Variants in ISLR observed in about 807,000 individuals in gnomAD.
The protein encoded by ISLR is immunoglobulin superfamily containing leucine rich repeat, also known as immunoglobulin superfamily containing leucine-rich repeat protein.
A neutral mutation model predicts 11.0 loss-of-function variants in ISLR; 9 were observed. That is an observed-to-expected ratio of 0.82 (90% CI 0.49 to 1.43). ISLR has a LOEUF of 1.43. ISLR is among the 40% of genes most tolerant of loss of function. The pLI is 0.00. For missense variants in ISLR, 510 were observed against 576.4 expected (o/e 0.88, Z 1.18); for synonymous variants, 262 against 264.1 (o/e 0.99, Z 0.08).
Position 74,175,929 on chromosome 15 carries a change from C to G in ISLR, c.1071C>G (p.Arg357=). 6.2e-7 allele frequency: 1 copy of G among 1,611,092 alleles called. No individual in the cohort carries two copies. The highest frequency in any genetic ancestry group is 8.5e-7 in the Non-Finnish European group (1 of 1,177,898). Residue 357 remains arginine, a synonymous_variant, in exon 2 of 2, where the codon CGC becomes CGG. Transcript: ENST00000249842. This position sits in a 1 kb window ranked among gnomAD's most constrained non-coding sequence, Gnocchi z 4.7. ...PGEGGEDTLG[R]RFHGKAVEGK... is the part of the protein sequence containing the mutation. ...AGGGTGGTGAGGACACACTGGGGCG[C>G]AGGTTCCATGGCAAAGCGGTTGAGG...
In ISLR at chr15:74,175,730, C is replaced by T; in HGVS notation, c.872C>T (p.Ala291Val). 6.2e-7 allele frequency: 1 copy of T among 1,613,868 alleles called. No homozygotes were observed. The change falls in exon 2 of 2, where the codon GCC becomes GTC. Residue 291 changes from alanine (A) to valine (V), a missense_variant. Physicochemically the swap from Ala to Val is moderately conservative, Grantham distance 64 (BLOSUM62 0). Transcript: ENST00000249842. The surrounding 1 kb of genome is among the most constrained non-coding windows in gnomAD (Gnocchi z 4.7). ...CCCAACGTGGGCACTGATGGGCGTGCCCTGCCTGGCACCCCTGTGGCCAGC... is the reference window on the plus strand; with the variant it reads ...CCCAACGTGGGCACTGATGGGCGTGTCCTGCCTGGCACCCCTGTGGCCAGC... Reference protein sequence around the residue: ...TSPNVGTDGRALPGTPVASSQ... With the variant: ...TSPNVGTDGRVLPGTPVASSQ...
At position 74,175,210 on chromosome 15, in the gene ISLR, C is replaced by G; in HGVS notation, c.352C>G (p.Leu118Val). 6.2e-7 allele frequency: 1 copy of G among 1,613,526 alleles called. No individual in the cohort carries two copies. Among genetic ancestry groups the G allele is most frequent in the Non-Finnish European group, 8.5e-7 (1 of 1,180,006 alleles). ...NLISDFAWSD[L>V]HNLSALQLLK... ...CATCTCTGACTTTGCCTGGAGCGAC[C>G]TGCACAACCTCAGTGCCCTCCAATT... The change falls in exon 2 of 2, where the codon CTG becomes GTG. Residue 118 changes from leucine to valine, a missense_variant. Physicochemically the swap from Leu to Val is conservative, Grantham distance 32. Transcript: ENST00000249842. This position sits in a 1 kb window ranked among gnomAD's most constrained non-coding sequence, Gnocchi z 4.7.
rs1440875144 is a variant in ISLR at position 74,175,997 on chromosome 15, G to A, written c.1139G>A (p.Gly380Glu). 1 of 1,613,258 alleles carries A rather than the reference G, an allele frequency of 6.2e-7. No individual in the cohort carries two copies. The highest frequency in any genetic ancestry group is 1.1e-5 in the South Asian group (1 of 90,972). Residue 380 changes from glycine (G) to glutamate (E), a missense_variant, in exon 2 of 2, where the codon GGG becomes GAG. Physicochemically the swap from Gly to Glu is moderately conservative, Grantham distance 98 (BLOSUM62 -2). Transcript: ENST00000249842. This position sits in a 1 kb window ranked among gnomAD's most constrained non-coding sequence, Gnocchi z 4.7. The part of the protein sequence containing the change: ...YTVDNEVQPS[G>E]PEDNVVIIYL... ...GTTGACAACGAGGTGCAGCCATCAG[G>A]GCCGGAGGACAATGTGGTCATCATC...
chr15:74,175,882 G>A lies in ISLR; in HGVS notation c.1024G>A (p.Val342Met), dbSNP rs201525515. ...ELGSAESSVD[V>M]ALATPGEGGE... ...GGGCAGTGCTGAGAGCTCAGTGGACGTGGCACTGGCCACGCCCGGTGAGGG... is the reference window on the plus strand; with the variant it reads ...GGGCAGTGCTGAGAGCTCAGTGGACATGGCACTGGCCACGCCCGGTGAGGG... Residue 342 changes from valine (V) to methionine (M), a missense_variant, in exon 2 of 2, where the codon GTG becomes ATG. Coordinates refer to ENST00000249842, the MANE Select transcript of ISLR (RefSeq NM_005545.4). This position sits in a 1 kb window ranked among gnomAD's most constrained non-coding sequence, Gnocchi z 4.7. The A allele has an allele frequency of 5.7e-5, 92 of 1,613,972 alleles. No homozygotes were observed. In the East Asian group the frequency reaches 1.3e-3, roughly 22 times the overall value.
At position 74,176,033 on chromosome 15, in the gene ISLR, G is replaced by A. The variant is rs141231375; in HGVS notation, c.1175G>A (p.Arg392His). 7.8e-5 allele frequency: 126 copies of A among 1,612,970 alleles called. No homozygotes were observed. In the African/African-American group the frequency reaches 1.5e-3, roughly 19 times the overall value. Residue 392 changes from arginine (R) to histidine (H), a missense_variant, in exon 2 of 2, where the codon CGT becomes CAT. Coordinates refer to ENST00000249842, the MANE Select transcript of ISLR (RefSeq NM_005545.4). ...AATGTGGTCATCATCTACCTCAGCC[G>A]TGCTGGGAACCCTGAGGCTGCAGTC... ...EDNVVIIYLS[R>H]AGNPEAAVAE...
rs1211501980 is a variant in ISLR at position 74,175,511 on chromosome 15, G to A, written c.653G>A (p.Gly218Asp). The change falls in exon 2 of 2, where the codon GGT becomes GAT. Residue 218 changes from glycine to aspartate, a missense_variant. Gly to Asp is a moderately conservative substitution (Grantham distance 94, BLOSUM62 -1). Transcript: ENST00000249842. The surrounding 1 kb of genome is among the most constrained non-coding windows in gnomAD (Gnocchi z 4.7). ...IACTSPHVLK[G>D]TPLSRLPPLP... ...TGCACCTCACCCCATGTGCTCAAGGGTACGCCGCTGAGCCGCCTGCCGCCA... is the reference window on the plus strand; with the variant it reads ...TGCACCTCACCCCATGTGCTCAAGGATACGCCGCTGAGCCGCCTGCCGCCA... The A allele has an allele frequency of 6.2e-7, 1 of 1,610,064 alleles. No individual in the cohort carries two copies. The highest frequency in any genetic ancestry group is 1.7e-5 in the Admixed American group (1 of 60,000).
chr15:74,175,058 A>C lies in ISLR; in HGVS notation c.200A>C (p.Glu67Ala). The C allele has an allele frequency of 6.2e-7, 1 of 1,611,452 alleles. No homozygotes were observed. The highest frequency in any genetic ancestry group is 8.5e-7 in the Non-Finnish European group (1 of 1,179,064). Residue 67 changes from glutamate to alanine, a missense_variant, in exon 2 of 2, where the codon GAG becomes GCG. Transcript: ENST00000249842. The surrounding 1 kb of genome is among the most constrained non-coding windows in gnomAD (Gnocchi z 4.7). ...LSANRLPGLP[E>A]GAFREVPLLQ... is the part of the protein sequence containing the mutation. Reference sequence around the variant, plus strand: ...GCCAACCGGCTGCCAGGCTTGCCGGAGGGTGCCTTCAGGGAGGTGCCCCTG... The same window carrying C: ...GCCAACCGGCTGCCAGGCTTGCCGGCGGGTGCCTTCAGGGAGGTGCCCCTG...
rs1358351504 is a variant in ISLR, at chr15:74,174,991, C to T, written c.133C>T (p.Pro45Ser). The change falls in exon 2 of 2, where the codon CCG becomes TCG. Residue 45 changes from proline to serine, a missense_variant. Physicochemically the swap from Pro to Ser is moderately conservative, Grantham distance 74. Coordinates refer to ENST00000249842, the MANE Select transcript of ISLR (RefSeq NM_005545.4). ...DCAYRDLESV[P>S]PGFPANVTTL... is the part of the protein sequence containing the mutation. ...TGCCTACCGCGACCTAGAATCCGTG[C>T]CGCCTGGCTTCCCGGCCAATGTGAC... 1.2e-6 allele frequency: 2 copies of T among 1,612,690 alleles called. No homozygotes were observed. The highest frequency in any genetic ancestry group is 1.1e-5 in the South Asian group (1 of 90,862).
intron 1 of ISLR, chr15:74,174,454 G>C (rs1029029633): frequency 1.7e-5 from 3 of 181,542 alleles, no homozygotes; most frequent in Admixed American, 1.6e-4. Flanking sequence ...GGGGGGCTCC[G>C]GTGGGAGGGA....
At chr15:74,174,674 TG>T (rs1381842954) in intron 1 of ISLR, 176 bp from the exon 2 acceptor site, 1 of 524,466 alleles carries the variant, frequency 1.9e-6, no homozygotes, top group Admixed American at 3.7e-5. Flanking sequence ...GCCCTTCTCT[TG>T]GCCTCAGTTT....
intron 1 of ISLR, chr15:74,174,621 C>T (rs1405629079): frequency 4.4e-6 from 2 of 457,794 alleles, no homozygotes; most frequent in Non-Finnish European, 7.7e-6. Context: ...CTCTTCCATC[C>T]CGTCTTCATC....
In ISLR at chr15:74,175,706, C is replaced by T; in HGVS notation, c.848C>T (p.Pro283Leu). The T allele has an allele frequency of 6.2e-7, 1 of 1,614,098 alleles. No homozygotes were observed. Residue 283 changes from proline (P) to leucine (L), a missense_variant, in exon 2 of 2, where the codon CCC becomes CTC. Coordinates refer to ENST00000249842, the MANE Select transcript of ISLR (RefSeq NM_005545.4). The surrounding 1 kb of genome is among the most constrained non-coding windows in gnomAD (Gnocchi z 4.7). ...AGTGGCATTGTGGAGATCACCAGCC[C>T]CAACGTGGGCACTGATGGGCGTGCC... Reference protein sequence around the residue: ...IPSGIVEITSPNVGTDGRALP... With the variant: ...IPSGIVEITSLNVGTDGRALP...
At position 74,176,088 on chromosome 15, in the gene ISLR, A is replaced by G; in HGVS notation, c.1230A>G (p.Pro410=). ...AAGGGGTCCCTGGGCAGCTGCCCCC[A>G]GGCCTGCTCCTGCTGGGCCAAAGCC... The part of the protein sequence containing the change: ...VAEGVPGQLP[P]GLLLLGQSLL... The change falls in exon 2 of 2, where the codon CCA becomes CCG. Residue 410 remains proline, a synonymous_variant. Transcript: ENST00000249842. 6.3e-7 allele frequency: 1 copy of G among 1,596,012 alleles called. No homozygotes were observed. Among genetic ancestry groups the G allele is most frequent in the Non-Finnish European group, 8.5e-7 (1 of 1,170,666 alleles).
rs755854569 is a variant in ISLR, at chr15:74,175,885, G to A, written c.1027G>A (p.Ala343Thr). ...CAGTGCTGAGAGCTCAGTGGACGTG[G>A]CACTGGCCACGCCCGGTGAGGGTGG... ...LGSAESSVDV[A>T]LATPGEGGED... is the part of the protein sequence containing the mutation. The change falls in exon 2 of 2, where the codon GCA becomes ACA. Residue 343 changes from alanine (A) to threonine (T), a missense_variant. By Grantham distance (58) the Ala-to-Thr change is moderately conservative (BLOSUM62 0). Coordinates refer to ENST00000249842, the MANE Select transcript of ISLR (RefSeq NM_005545.4). This position sits in a 1 kb window ranked among gnomAD's most constrained non-coding sequence, Gnocchi z 4.7. 5.0e-6 allele frequency: 8 copies of A among 1,613,906 alleles called. No individual in the cohort carries two copies. Among genetic ancestry groups the A allele is most frequent in the Non-Finnish European group, 6.8e-6 (8 of 1,179,888 alleles).
chr15:74,176,035 G>C lies in ISLR; in HGVS notation c.1177G>C (p.Ala393Pro). ...TGTGGTCATCATCTACCTCAGCCGTGCTGGGAACCCTGAGGCTGCAGTCGC... is the reference window on the plus strand; with the variant it reads ...TGTGGTCATCATCTACCTCAGCCGTCCTGGGAACCCTGAGGCTGCAGTCGC... ...DNVVIIYLSR[A>P]GNPEAAVAEG... Residue 393 changes from alanine (A) to proline (P), a missense_variant, in exon 2 of 2, where the codon GCT (alanine) becomes CCT (proline). Transcript: ENST00000249842. 4 of 1,612,914 alleles carry C rather than the reference G, an allele frequency of 2.5e-6. No individual in the cohort carries two copies. In the South Asian group the frequency reaches 4.4e-5, roughly 18 times the overall value.
Position 74,175,638 on chromosome 15 carries a change from C to G in ISLR, c.780C>G (p.Asp260Glu). 3.1e-6 allele frequency: 5 copies of G among 1,614,082 alleles called. No homozygotes were observed. Among genetic ancestry groups the G allele is most frequent in the Non-Finnish European group, 4.2e-6 (5 of 1,180,024 alleles). The part of the protein sequence containing the change: ...GFVLALHCDV[D>E]GQPAPQLHWH... ...TGCTGGCACTGCACTGTGATGTGGACGGGCAGCCGGCCCCTCAGCTTCACT... is the reference window on the plus strand; with the variant it reads ...TGCTGGCACTGCACTGTGATGTGGAGGGGCAGCCGGCCCCTCAGCTTCACT... The change falls in exon 2 of 2, where the codon GAC becomes GAG. Residue 260 changes from aspartate (D) to glutamate (E), a missense_variant. Coordinates refer to ENST00000249842, the MANE Select transcript of ISLR (RefSeq NM_005545.4). The surrounding 1 kb of genome is among the most constrained non-coding windows in gnomAD (Gnocchi z 4.7).
Position 74,176,292 on chromosome 15 carries a change from T to A in ISLR, c.*147T>A. On this transcript the variant is annotated 3_prime_UTR_variant, in exon 2 of 2. Coordinates refer to ENST00000249842, the MANE Select transcript of ISLR (RefSeq NM_005545.4). ...TCCTTCTAATCTCTTCTAGAGCACC[T>A]GCTATCCCCAACTTCTAGACCTGCT... is the stretch of plus-strand genomic sequence containing the variant. 1 of 619,340 alleles carries A rather than the reference T, an allele frequency of 1.6e-6. No homozygotes were observed. The highest frequency in any genetic ancestry group is 2.8e-6 in the Non-Finnish European group (1 of 358,788). The allele number at this position is 619,340 out of a possible 1,614,324, so 38.4% of individuals were successfully genotyped here.
intron 1 of ISLR, 28 bp from the exon 2 acceptor site, chr15:74,174,822 TC>T: frequency 2.0e-6 from 3 of 1,487,844 alleles, no homozygotes; most frequent in Non-Finnish European, 8.9e-7. Flanking sequence ...GTTCTCGGGA[TC>T]CCCTGGGTGA....
At position 74,175,408 on chromosome 15, in the gene ISLR, T is replaced by G. The variant is rs2072781926; in HGVS notation, c.550T>G (p.Cys184Gly). 3 of 1,612,086 alleles carry G rather than the reference T, an allele frequency of 1.9e-6. No homozygotes were observed. The highest frequency in any genetic ancestry group is 1.7e-6 in the Non-Finnish European group (2 of 1,180,006). ...HLQINENPFD[C>G]TCGIVWLKTW... ...GCAGATCAACGAGAACCCCTTCGAC[T>G]GCACCTGCGGCATCGTGTGGCTCAA... The change falls in exon 2 of 2, where the codon TGC becomes GGC. Residue 184 changes from cysteine (C) to glycine (G), a missense_variant. Coordinates refer to ENST00000249842, the MANE Select transcript of ISLR (RefSeq NM_005545.4). This position sits in a 1 kb window ranked among gnomAD's most constrained non-coding sequence, Gnocchi z 4.7.
Sources: allele counts gnomAD v4.1 joint callset, GRCh38; gene constraint gnomAD v4.1.1; non-coding constraint Gnocchi (gnomAD v3.1); transcripts MANE v1.5; gene names NCBI Gene and HGNC (gene_info 2026-07-23, HGNC 2026-07-21).